The following KIAA2012 variants were observed in gnomAD, a reference collection of about 807,000 sequenced individuals.
KIAA2012 encodes KIAA2012.
Under a neutral mutation model 150.6 loss-of-function variants are expected in KIAA2012, and 125 were observed. The observed-to-expected ratio is 0.83, with a 90% CI of 0.72 to 0.96. The LOEUF is 0.96. Among genes scored for constraint, KIAA2012 ranks in the 40% least tolerant of loss-of-function variants. KIAA2012 has a pLI of 0.00. For synonymous variants in KIAA2012, 462 were observed against 504.7 expected, an observed-to-expected ratio of 0.92 and a Z score of 1.13; for missense variants, 1,219 against 1,354.9, an observed-to-expected ratio of 0.90 and a Z score of 1.57.
chr2:202,193,367 A>T lies in KIAA2012; in HGVS notation c.2878A>T (p.Met960Leu). 2.6e-6 allele frequency: 4 copies of T among 1,550,296 alleles called. No homozygotes were observed. The highest frequency in any genetic ancestry group is 3.5e-6 in the Non-Finnish European group (4 of 1,146,838). The change falls in exon 20 of 24, where the codon ATG becomes TTG. Residue 960 changes from methionine (M) to leucine (L), a missense_variant. By Grantham distance (15) the Met-to-Leu change is conservative. Transcript: ENST00000498697. Reference protein sequence around the residue: ...WDRLRAERAEMRWLEVEKKRR... With the variant: ...WDRLRAERAELRWLEVEKKRR... Reference sequence around the variant, plus strand: ...CAGGCTTCGAGCAGAAAGAGCCGAGATGAGGTGGCTGGAGGTGGAGAAGAA... The same window carrying T: ...CAGGCTTCGAGCAGAAAGAGCCGAGTTGAGGTGGCTGGAGGTGGAGAAGAA...
At chr2:202,182,108 CT>C (rs754494077) in intron 15 of KIAA2012, among the ~76,000 whole-genome samples, 1,685 of 104,118 alleles carry the variant, frequency 0.016, 6 homozygotes, top group African/African-American at 0.045. Context: ...TTTCTTTATT[CT>C]TTTTTTTTTT....
At chr2:202,183,382 T>C (rs183358937) in intron 15 of KIAA2012, among the ~76,000 whole-genome samples, 2 of 141,064 alleles carry the variant, frequency 1.4e-5, no homozygotes, top group East Asian at 4.3e-4. Context: ...ATTGTGCCAC[T>C]GCACTCCAGC....
chr2:202,122,560 G>A (rs1424120794), intron 11 of KIAA2012, among the ~76,000 whole-genome samples: 7 of 150,192 alleles, frequency 4.7e-5, no homozygotes, highest in African/African-American at 1.7e-4. Flanking sequence ...GAGTGCAGTG[G>A]CACGATCTCG....
At chr2:202,132,747 AGTATATAT>A (rs1553556816) in intron 12 of KIAA2012, among the ~76,000 whole-genome samples, 1 of 104,370 alleles carries the variant, frequency 9.6e-6, no homozygotes, top group African/African-American at 3.8e-5. Flanking sequence ...GTATATATAT[AGTATATAT>A]GTATATATAT....
intron 21 of KIAA2012, 54 bp from the exon 22 acceptor site, chr2:202,196,746 T>C: frequency 6.6e-7 from 1 of 1,510,822 alleles, no homozygotes. Context: ...GATCCGAAAA[T>C]TGTTTTCCCT....
At chr2:202,121,152 A>G (rs1361202865) in intron 11 of KIAA2012, among the ~76,000 whole-genome samples, 2 of 152,200 alleles carry the variant, frequency 1.3e-5, no homozygotes, top group African/African-American at 2.4e-5. Flanking sequence ...GAACAATTCC[A>G]TATGGGATGA....
chr2:202,080,371 T>C (rs540496317), intron 2 of KIAA2012, among the ~76,000 whole-genome samples: 135 of 152,248 alleles, frequency 8.9e-4, no homozygotes, highest in African/African-American at 3.1e-3. Context: ...CATTCATTTG[T>C]TCCCTTGTAT....
chr2:202,095,487 G>A (rs1689845366), intron 4 of KIAA2012, among the ~76,000 whole-genome samples: 2 of 152,198 alleles, frequency 1.3e-5, no homozygotes, highest in Admixed American at 1.3e-4. Context: ...TAACAGGAGA[G>A]GACAGAGCTA....
chr2:202,085,824 C>T (rs1356661855), intron 2 of KIAA2012, among the ~76,000 whole-genome samples: 1 of 152,130 alleles, frequency 6.6e-6, no homozygotes, highest in Non-Finnish European at 1.5e-5. Flanking sequence ...ACTCCCTGCA[C>T]CATGGTGCAA....
chr2:202,161,007 G>T (rs994777595), intron 14 of KIAA2012, among the ~76,000 whole-genome samples: 1 of 152,156 alleles, frequency 6.6e-6, no homozygotes, highest in Non-Finnish European at 1.5e-5. Flanking sequence ...TGCCCAGCAG[G>T]GGGGCTGTGC....
chr2:202,109,948 C>T (rs766391579), intron 10 of KIAA2012, among the ~76,000 whole-genome samples, 159 bp downstream of exon 10: 1 of 152,212 alleles, frequency 6.6e-6, no homozygotes, highest in Non-Finnish European at 1.5e-5. Flanking sequence ...TAATGTTCCC[C>T]ATGCATATTT....
At position 202,090,905 on chromosome 2, in the gene KIAA2012, G is replaced by A. The variant is rs551990659; in HGVS notation, c.505G>A (p.Ala169Thr). 9.7e-6 allele frequency: 15 copies of A among 1,550,172 alleles called. No homozygotes were observed. In the East Asian group the frequency reaches 2.4e-4, roughly 25 times the overall value. ...CCTCCTGCGGACTTGGCCCCCAGAC[G>A]CCATGTATAGGCTCTGGTGCGCAGG... ...RGLLRTWPPD[A>T]MYRLWCAGYI... Residue 169 changes from alanine (A) to threonine (T), a missense_variant, in exon 3 of 24, where the codon GCC (alanine) becomes ACC (threonine). Physicochemically the swap from Ala to Thr is moderately conservative, Grantham distance 58. Transcript: ENST00000498697.
intron 2 of KIAA2012, among the ~76,000 whole-genome samples, chr2:202,090,152 A>T (rs1689680335): frequency 6.6e-6 from 1 of 152,262 alleles, no homozygotes; most frequent in African/African-American, 2.4e-5. Context: ...ATAGGATTAC[A>T]GATGAGGTGA....
intron 2 of KIAA2012, among the ~76,000 whole-genome samples, chr2:202,084,513 CTAAT>C (rs1205715361): frequency 1.3e-5 from 2 of 152,238 alleles, no homozygotes; most frequent in Non-Finnish European, 2.9e-5. Flanking sequence ...CCCGTGCACA[CTAAT>C]TACTCATTGC....
At chr2:202,093,287 G>A in intron 4 of KIAA2012, 102 bp downstream of exon 4, 1 of 1,211,968 alleles carries the variant, frequency 8.3e-7, no homozygotes, top group Non-Finnish European at 1.2e-6. Context: ...TGAGATTCTG[G>A]GTTGCATAGT....
rs371621698 is a variant in KIAA2012 at position 202,119,360 on chromosome 2, GTAT to G, written c.1763-5849_1763-5847del. Among the ~76,000 whole-genome samples, 106 of 152,164 alleles carry G rather than the reference GTAT, an allele frequency of 7.0e-4. 1 individual carries two copies. Among genetic ancestry groups the G allele is most frequent in the African/African-American group, 2.5e-3 (104 of 41,508 alleles). On this transcript the variant is annotated intron_variant, in intron 11 of 23. Transcript: ENST00000498697. ...AAATCAATACAAAGTACTGAAGAAT[GTAT>G]TATTTCTTTTTTTTAAGATGATGGT...
chr2:202,091,907 C>T (rs1018133936), intron 3 of KIAA2012, among the ~76,000 whole-genome samples: 2 of 152,154 alleles, frequency 1.3e-5, no homozygotes, highest in African/African-American at 4.8e-5. Flanking sequence ...TGACTTGAAG[C>T]AAAATGAAAG....
At chr2:202,150,180 A>G (rs1040285873) in intron 13 of KIAA2012, among the ~76,000 whole-genome samples, 8 of 152,250 alleles carry the variant, frequency 5.3e-5, no homozygotes, top group African/African-American at 1.9e-4. Context: ...AATGTCAGAT[A>G]ACTTTTTAAA....
intron 4 of KIAA2012, among the ~76,000 whole-genome samples, chr2:202,094,984 T>C (rs1423335764): frequency 6.6e-6 from 1 of 152,182 alleles, no homozygotes; most frequent in Non-Finnish European, 1.5e-5. Context: ...TTCCAAGCCA[T>C]ATAGCCACTC....
Sources: allele counts gnomAD v4.1 joint callset (sites outside exome capture counted in the v4.1 genomes callset), GRCh38; gene constraint gnomAD v4.1.1; transcripts MANE v1.5; gene names NCBI Gene and HGNC (gene_info 2026-07-23, HGNC 2026-07-21).